Variants in ARID1B observed in about 807,000 individuals in gnomAD.
ARID1B encodes the protein AT-rich interactive domain-containing protein 1B.
A neutral mutation model predicts 212.3 loss-of-function variants in ARID1B; 30 were observed. The observed-to-expected ratio is 0.14, with a 90% CI of 0.11 to 0.19. ARID1B has a LOEUF of 0.19. Ranked by LOEUF, ARID1B falls within the 10% of genes least tolerant of loss-of-function variation. The pLI is 1.00. For missense variants in ARID1B, 2,891 were observed against 3,204.0 expected (o/e 0.90, Z 2.36); for synonymous variants, 1,402 against 1,301.7 (o/e 1.08, Z -1.66).
Position 156,849,731 on chromosome 6 carries a change from CT to C in ARID1B, c.1986+20316del, listed in dbSNP as rs367842200. ...TGCTTTTCTGTGCTGGGGAGGATAGCTTTTTTGGTTTTCTTTTGTTTTTAAA... is the reference window on the plus strand; with the variant it reads ...TGCTTTTCTGTGCTGGGGAGGATAGCTTTTTGGTTTTCTTTTGTTTTTAAA... On this transcript the variant is annotated intron_variant, in intron 2 of 19. Coordinates refer to ENST00000636930, the MANE Select transcript of ARID1B (RefSeq NM_001374828.1). 6.6e-5 allele frequency among the ~76,000 whole-genome samples: 10 copies of C among 151,908 alleles called. No individual in the cohort carries two copies. In the East Asian group the frequency reaches 1.5e-3, roughly 23 times the overall value.
intron 1 of ARID1B, among the ~76,000 whole-genome samples, chr6:156,818,389 G>A (rs920308385): frequency 6.6e-6 from 1 of 152,018 alleles, no homozygotes; most frequent in Non-Finnish European, 1.5e-5. Context: ...TTTTTAAGTT[G>A]TTTATTTAAA....
chr6:156,829,527 G>T, intron 2 of ARID1B, 106 bp downstream of exon 2: 1 of 1,184,150 alleles, frequency 8.4e-7, no homozygotes, highest in Non-Finnish European at 1.1e-6. Context: ...GCATTGCACG[G>T]ATTTTCTGCT....
In ARID1B at chr6:156,931,402, T is replaced by G. The variant is rs568770275; in HGVS notation, c.2137-4064T>G. Among the ~76,000 whole-genome samples, 38 of 152,328 alleles carry G rather than the reference T, an allele frequency of 2.5e-4. No individual in the cohort carries two copies. The South Asian group carries it at 7.0e-3, about 28-fold the overall frequency. On this transcript the variant is annotated intron_variant, in intron 3 of 19. Transcript: ENST00000636930. ...TACTAGGCCCTTGTAATAGTTATCT[T>G]TACCCTTTCCTGTAGTAGAAGTGGG...
Position 157,207,665 on chromosome 6 carries a change from G to A in ARID1B, c.6893G>A (p.Ser2298Asn). The A allele has an allele frequency of 6.2e-7, 1 of 1,613,834 alleles. No homozygotes were observed. Among genetic ancestry groups the A allele is most frequent in the Middle Eastern group, 1.6e-4 (1 of 6,062 alleles). ...GTCACGATGGCCCAGTACCAGCAGA[G>A]CCAGCACAACCTCATGCACATGCAG... ...DGVTMAQYQQ[S>N]QHNLMHMQPP... The change falls in exon 20 of 20, where the codon AGC becomes AAC. Residue 2298 changes from serine to asparagine, a missense_variant. Around this residue, in one of 7 missense-constraint regions of ARID1B, gnomAD observed 187 missense variants for 306.5 expected, o/e 0.61. Transcript: ENST00000636930. This position sits in a 1 kb window ranked among gnomAD's most constrained non-coding sequence, Gnocchi z 8.5.
At chr6:156,951,327 T>C (rs1793570357) in intron 4 of ARID1B, among the ~76,000 whole-genome samples, 2 of 152,212 alleles carry the variant, frequency 1.3e-5, no homozygotes, top group Admixed American at 6.5e-5. Context: ...CAAACCATGA[T>C]AATGCAGTTA....
At chr6:157,093,218 C>A (rs1785391781) in intron 5 of ARID1B, among the ~76,000 whole-genome samples, 1 of 152,170 alleles carries the variant, frequency 6.6e-6, no homozygotes, top group Admixed American at 6.5e-5. Flanking sequence ...TACTTAGAGT[C>A]AAGATGCTCC....
rs769363571 is a variant in ARID1B, at chr6:157,084,637, A to C, written c.2248-25A>C. ...GATATTCATCCAAACGTGTCACTCT[A>C]TAAATACATCTTTTCCTTTCTTAGG... On this transcript the variant is annotated intron_variant, in intron 4 of 19. Coordinates refer to ENST00000636930, the MANE Select transcript of ARID1B (RefSeq NM_001374828.1). The C allele has an allele frequency of 1.9e-6, 3 of 1,611,752 alleles. No individual in the cohort carries two copies. The East Asian group carries it at 6.7e-5, about 36-fold the overall frequency.
intron 6 of ARID1B, among the ~76,000 whole-genome samples, chr6:157,114,873 A>T (rs1247035700): frequency 6.6e-6 from 1 of 152,210 alleles, no homozygotes; most frequent in Non-Finnish European, 1.5e-5. Flanking sequence ...CTCATGGGGC[A>T]GTGATGCTGG....
intron 6 of ARID1B, among the ~76,000 whole-genome samples, chr6:157,123,247 C>CCACA (rs796444034): frequency 1.7e-4 from 19 of 111,836 alleles, no homozygotes; most frequent in Admixed American, 4.2e-4. Context: ...CGCCCCCCCC[C>CCACA]CACACACACA....
At chr6:156,979,451 G>T (rs754498699) in intron 4 of ARID1B, among the ~76,000 whole-genome samples, 1 of 152,152 alleles carries the variant, frequency 6.6e-6, no homozygotes, top group Non-Finnish European at 1.5e-5. Flanking sequence ...TTGCTGCTGT[G>T]GGAGTATTGG....
chr6:156,935,639 GT>G, intron 4 of ARID1B, 63 bp downstream of exon 4: 2 of 1,374,236 alleles, frequency 1.5e-6, no homozygotes, highest in Non-Finnish European at 2.1e-6. Flanking sequence ...AAGAGCTGTT[GT>G]TTTTGTTTGT....
chr6:157,049,366 T>C (rs568302266), intron 4 of ARID1B, among the ~76,000 whole-genome samples: 5 of 152,120 alleles, frequency 3.3e-5, no homozygotes, highest in East Asian at 1.9e-4. Flanking sequence ...AGGTGTGGCC[T>C]TAGATGGCCA....
At chr6:156,880,060 A>ATATT (rs1290921922) in intron 2 of ARID1B, among the ~76,000 whole-genome samples, 2 of 152,152 alleles carry the variant, frequency 1.3e-5, no homozygotes, top group Admixed American at 1.3e-4. Flanking sequence ...CCCTGATGGT[A>ATATT]TATTTGAGTT....
Position 156,861,149 on chromosome 6 carries a change from A to G in ARID1B, c.1986+31728A>G, listed in dbSNP as rs572208880. On this transcript the variant is annotated intron_variant, in intron 2 of 19. Transcript: ENST00000636930. ...AGGATAGGTGACATTTGAAGGTGCCAGTGAAGGAACAACAGGACTCTGTGT... is the reference window on the plus strand; with the variant it reads ...AGGATAGGTGACATTTGAAGGTGCCGGTGAAGGAACAACAGGACTCTGTGT... 2.0e-5 allele frequency among the ~76,000 whole-genome samples: 3 copies of G among 152,350 alleles called. No homozygotes were observed. In the East Asian group the frequency reaches 5.8e-4, roughly 29 times the overall value.
At chr6:156,825,016 C>T (rs1269751860) in intron 1 of ARID1B, among the ~76,000 whole-genome samples, 3 of 152,094 alleles carry the variant, frequency 2.0e-5, no homozygotes, top group African/African-American at 4.8e-5. Flanking sequence ...AGGTGCCCGC[C>T]ACCATGCCTG....
chr6:157,174,617 C>T (rs1791967099), intron 10 of ARID1B, among the ~76,000 whole-genome samples: 1 of 150,862 alleles, frequency 6.6e-6, no homozygotes, highest in African/African-American at 2.4e-5. Flanking sequence ...GCGTACTGGC[C>T]TTCTCCAGCA....
intron 2 of ARID1B, among the ~76,000 whole-genome samples, chr6:156,879,113 C>T (rs937647693): frequency 6.6e-6 from 1 of 152,210 alleles, no homozygotes; most frequent in Non-Finnish European, 1.5e-5. Flanking sequence ...CTGTGCATTG[C>T]TGCAAGGGGC....
At chr6:157,115,513 G>T (rs182978694) in intron 6 of ARID1B, among the ~76,000 whole-genome samples, 1 of 152,148 alleles carries the variant, frequency 6.6e-6, no homozygotes, top group South Asian at 2.1e-4. Flanking sequence ...TGTGAGCTCC[G>T]CCTTCCGGGT....
At chr6:156,827,488 AGGG>A (rs1350060201) in intron 1 of ARID1B, among the ~76,000 whole-genome samples, 1 of 152,248 alleles carries the variant, frequency 6.6e-6, no homozygotes, top group East Asian at 1.9e-4. Flanking sequence ...CAGGTGCCCA[AGGG>A]AGCAGTCCTG....
Sources: gnomAD v4.1 joint callset for allele counts (sites outside exome capture counted in the v4.1 genomes callset) on GRCh38, gnomAD v4.1.1 for gene constraint, gnomAD v4.1.1 regional missense constraint, Gnocchi (gnomAD v3.1) non-coding constraint, MANE v1.5 for transcripts, NCBI Gene and HGNC (gene_info 2026-07-23, HGNC 2026-07-21) for gene names.